PPFIA1: variants seen among roughly 807,000 people sequenced by gnomAD.
PPFIA1 encodes the protein PPFI scaffold protein A1.
Under a neutral mutation model 149.9 loss-of-function variants are expected in PPFIA1, and 25 were observed. The observed-to-expected ratio is 0.17, with a 90% confidence interval of 0.12 to 0.23. The LOEUF is 0.23. Ranked by LOEUF, PPFIA1 falls within the 10% of genes least tolerant of loss-of-function variation. PPFIA1 has a pLI of 1.00. For synonymous variants in PPFIA1, 549 were observed against 552.8 expected, an observed-to-expected ratio of 0.99 and a Z score of 0.10; for missense variants, 1,362 against 1,506.5, an observed-to-expected ratio of 0.90 and a Z score of 1.59.
intron 14 of PPFIA1, among the ~76,000 whole-genome samples, chr11:70,340,168 G>A (rs1182872435): frequency 6.6e-6 from 1 of 151,516 alleles, no homozygotes; most frequent in East Asian, 1.9e-4. Context: ...TTAGTTGGGT[G>A]TGGTAGTGTG....
intron 8 of PPFIA1, among the ~76,000 whole-genome samples, chr11:70,330,835 G>T (rs1023504471): frequency 1.3e-5 from 2 of 152,168 alleles, no homozygotes; most frequent in Admixed American, 1.3e-4. Flanking sequence ...TACTCAGGAG[G>T]CTAAGGAGGG....
At chr11:70,295,262 GTGGCTGGCCGGGCGAGGGGCTGACCCCCC>G in intron 2 of PPFIA1, among the ~76,000 whole-genome samples, 1 of 134,342 alleles carries the variant, frequency 7.4e-6, no homozygotes, top group African/African-American at 3.3e-5. Context: ...CCCGGACGGG[GTGGCTGGCCGGGCGAGGGGCTGACCCCCC>G]CACCTCCCTC....
intron 2 of PPFIA1, among the ~76,000 whole-genome samples, chr11:70,319,729 T>C (rs540322280): frequency 2.6e-5 from 4 of 152,332 alleles, no homozygotes; most frequent in Non-Finnish European, 1.5e-5. Flanking sequence ...CTGTGTGCTG[T>C]TGTTCTCTGA....
At chr11:70,362,245 C>A in intron 20 of PPFIA1, 43 bp from the exon 21 acceptor site, 1 of 1,613,148 alleles carries the variant, frequency 6.2e-7, no homozygotes, top group Non-Finnish European at 8.5e-7. Context: ...ACTTTGTAGA[C>A]TGTACCTCAC....
At chr11:70,362,051 A>G (rs2056682535) in intron 19 of PPFIA1, 44 bp from the exon 20 acceptor site, 2 of 1,580,968 alleles carry the variant, frequency 1.3e-6, no homozygotes, top group Non-Finnish European at 1.7e-6. Flanking sequence ...GTGAGCTACC[A>G]TGCCTGGCTG....
chr11:70,339,426 T>G (rs1201690157), intron 14 of PPFIA1, 120 bp downstream of exon 14: 27 of 1,168,204 alleles, frequency 2.3e-5, no homozygotes, highest in Non-Finnish European at 3.1e-5. Flanking sequence ...CTCCTCTCAT[T>G]TTCTATTTTC....
intron 2 of PPFIA1, among the ~76,000 whole-genome samples, chr11:70,272,883 C>T (rs573072194): frequency 6.6e-6 from 1 of 152,278 alleles, no homozygotes; most frequent in South Asian, 2.1e-4. Context: ...TTTGATAGCC[C>T]ACCTTTATCA....
At chr11:70,368,198 G>A (rs12277077) in intron 21 of PPFIA1, among the ~76,000 whole-genome samples, 5,680 of 152,250 alleles carry the variant, frequency 0.037, 387 homozygotes, top group African/African-American at 0.13. Flanking sequence ...AATCAAGCAT[G>A]GTGATGCTGT....
intron 2 of PPFIA1, among the ~76,000 whole-genome samples, chr11:70,287,992 T>C (rs966828594): frequency 6.6e-6 from 1 of 151,986 alleles, no homozygotes; most frequent in Admixed American, 6.6e-5. Flanking sequence ...AGTTAAAGTC[T>C]AAGTGTGTAT....
At chr11:70,330,895 C>G (rs2054611864) in intron 8 of PPFIA1, among the ~76,000 whole-genome samples, 1 of 152,054 alleles carries the variant, frequency 6.6e-6, no homozygotes, top group African/African-American at 2.4e-5. Flanking sequence ...TATGATTGTG[C>G]CACTGGACTC....
chr11:70,331,052 T>G (rs1326497880), intron 8 of PPFIA1, among the ~76,000 whole-genome samples: 6 of 152,092 alleles, frequency 3.9e-5, no homozygotes, highest in Non-Finnish European at 8.8e-5. Flanking sequence ...ACCAACATGG[T>G]GAAACTGCGT....
intron 2 of PPFIA1, among the ~76,000 whole-genome samples, chr11:70,317,141 TATTTTTAAA>T (rs1275869218): frequency 1.3e-5 from 2 of 152,206 alleles, no homozygotes; most frequent in African/African-American, 4.8e-5. Flanking sequence ...TGACTTACAG[TATTTTTAAA>T]CTTAACATTT....
rs1312841686 is a variant in PPFIA1 at position 70,335,603 on chromosome 11, G to A, written c.1337G>A (p.Arg446His). The A allele has an allele frequency of 5.6e-6, 9 of 1,613,838 alleles. No homozygotes were observed. The highest frequency in any genetic ancestry group is 7.6e-6 in the Non-Finnish European group (9 of 1,179,930). ...AAAATGAACGAAGAACATAATAAAC[G>A]TTTATCAGACACTGTTGACAAGCTG... ...REKMNEEHNK[R>H]LSDTVDKLLS... Residue 446 changes from arginine to histidine, a missense_variant, in exon 11 of 28, where the codon CGT (arginine) becomes CAT (histidine). Physicochemically the swap from Arg to His is conservative, Grantham distance 29. This residue lies in a region of PPFIA1 where 733 missense variants were observed against 744.1 expected (regional missense o/e 0.99). Transcript: ENST00000253925.
In PPFIA1 at chr11:70,382,135, T is replaced by TA. The variant is rs762031416; in HGVS notation, c.3599dup (p.Tyr1200Ter). The TA allele has an allele frequency of 2.5e-6, 4 of 1,613,834 alleles. No individual in the cohort carries two copies. Among genetic ancestry groups the TA allele is most frequent in the African/African-American group, 1.3e-5 (1 of 74,922 alleles). ...GTTGGATTCTGCTACAGTCAGGACT[T>TA]ACTCCTGCTAAAGTCTCCTGTTGGT... is the stretch of plus-strand genomic sequence containing the variant. The part of the protein sequence containing the change: ...QRLDSATVRT[Y>*]SC Residue 1200 changes from tyrosine (Y) to a stop codon, truncating the protein, a stop_gained and frameshift_variant, in exon 27 of 28, where the codon TAC becomes TAAC. Coordinates refer to ENST00000253925, the MANE Select transcript of PPFIA1 (RefSeq NM_003626.5). LOFTEE classifies it high-confidence loss of function.
intron 2 of PPFIA1, among the ~76,000 whole-genome samples, chr11:70,278,417 G>A (rs758669607): frequency 3.4e-4 from 52 of 152,152 alleles, no homozygotes; most frequent in Non-Finnish European, 3.1e-4. Flanking sequence ...TTGTAGCAGC[G>A]AATTCATTGT....
At chr11:70,300,524 A>G (rs1378894416) in intron 2 of PPFIA1, among the ~76,000 whole-genome samples, 1 of 146,632 alleles carries the variant, frequency 6.8e-6, no homozygotes, top group Non-Finnish European at 1.5e-5. Context: ...ATGTGCCACC[A>G]TGCCCACCTA....
intron 2 of PPFIA1, among the ~76,000 whole-genome samples, chr11:70,294,517 T>G (rs1024280933): frequency 2.6e-5 from 4 of 151,368 alleles, no homozygotes; most frequent in African/African-American, 4.9e-5. Context: ...AGGCAAAAAG[T>G]CAAAAGGGAA....
intron 21 of PPFIA1, among the ~76,000 whole-genome samples, chr11:70,370,655 T>C (rs916727898): frequency 1.3e-5 from 2 of 152,160 alleles, no homozygotes; most frequent in African/African-American, 4.8e-5. Context: ...CCCAGAGTGC[T>C]AGGATTACAG....
At chr11:70,292,076 A>T (rs1455014450) in intron 2 of PPFIA1, among the ~76,000 whole-genome samples, 1 of 151,878 alleles carries the variant, frequency 6.6e-6, no homozygotes, top group Non-Finnish European at 1.5e-5. Context: ...TGACCTTGTG[A>T]TCCACCCACC....
Sources: gnomAD v4.1 joint callset for allele counts (sites outside exome capture counted in the v4.1 genomes callset) on GRCh38, gnomAD v4.1.1 for gene constraint, gnomAD v4.1.1 regional missense constraint, MANE v1.5 for transcripts, NCBI Gene and HGNC (gene_info 2026-07-23, HGNC 2026-07-21) for gene names.